The following RREB1 variants were observed in gnomAD, a reference collection of about 807,000 sequenced individuals.
The protein encoded by RREB1 is ras responsive element binding protein 1, also known as ras-responsive element-binding protein 1.
A neutral mutation model predicts 117.8 loss-of-function variants in RREB1; 27 were observed. That is an observed-to-expected ratio of 0.23 (90% CI 0.17 to 0.32). RREB1 has a LOEUF of 0.32. RREB1 is among the 10% of genes least tolerant of loss of function. RREB1 has a pLI of 1.00. For synonymous variants in RREB1, 1,298 were observed against 1,026.7 expected (o/e 1.26, Z -5.05); for missense variants, 2,577 against 2,378.2 (o/e 1.08, Z -1.74).
intron 8 of RREB1, among the ~76,000 whole-genome samples, chr6:7,219,690 C>G (rs1325605936): frequency 1.3e-5 from 2 of 152,152 alleles, no homozygotes; most frequent in Non-Finnish European, 2.9e-5. Context: ...TGTGACAGTG[C>G]CTGTGTAGTC....
intron 10 of RREB1, among the ~76,000 whole-genome samples, chr6:7,233,849 A>G (rs1215239945): frequency 6.6e-6 from 1 of 152,150 alleles, no homozygotes; most frequent in Non-Finnish European, 1.5e-5. Context: ...CCACCGCTGG[A>G]TACCTGAACA....
chr6:7,195,945 C>T (rs566767281), intron 6 of RREB1, among the ~76,000 whole-genome samples: 15 of 152,320 alleles, frequency 9.8e-5, no homozygotes, highest in African/African-American at 2.4e-4. Context: ...TTCTCTGTAG[C>T]GTGGATTTCT....
intron 1 of RREB1, among the ~76,000 whole-genome samples, chr6:7,167,286 T>C (rs1253606348): frequency 1.3e-5 from 2 of 152,112 alleles, no homozygotes; most frequent in African/African-American, 4.8e-5. Context: ...GGCCAGGGGA[T>C]TGCATTTGGG....
chr6:7,141,865 C>A (rs1285445597), intron 1 of RREB1, among the ~76,000 whole-genome samples: 1 of 152,230 alleles, frequency 6.6e-6, no homozygotes, highest in Non-Finnish European at 1.5e-5. Context: ...CTGGCCCTTT[C>A]CGCAGAGGGC....
At position 7,242,826 on chromosome 6, in the gene RREB1, A is replaced by G. The variant is rs1768798280; in HGVS notation, c.3973+2224A>G. 2.0e-5 allele frequency among the ~76,000 whole-genome samples: 3 copies of G among 152,030 alleles called. 1 individual carries two copies. In the South Asian group the frequency reaches 6.2e-4, roughly 32 times the overall value. Reference sequence around the variant, plus strand: ...TGTAGGTCTGACATTTTTCAGTCTCATAAAGTCCCCCAAAAGAATGCTAAA... The same window carrying G: ...TGTAGGTCTGACATTTTTCAGTCTCGTAAAGTCCCCCAAAAGAATGCTAAA... On this transcript the variant is annotated intron_variant, in intron 11 of 12. Coordinates refer to ENST00000379938, the MANE Select transcript of RREB1 (RefSeq NM_001003699.4).
chr6:7,241,182 T>C (rs1768684374), intron 11 of RREB1, among the ~76,000 whole-genome samples: 1 of 152,148 alleles, frequency 6.6e-6, no homozygotes, highest in Non-Finnish European at 1.5e-5. Flanking sequence ...CCGGGTATTA[T>C]TCTCCTGTGC....
intron 6 of RREB1, among the ~76,000 whole-genome samples, chr6:7,199,158 C>G (rs762295390): frequency 1.3e-5 from 2 of 152,212 alleles, no homozygotes; most frequent in African/African-American, 2.4e-5. Context: ...TCTGAGTCCT[C>G]TGATAGCTCC....
intron 12 of RREB1, 45 bp downstream of exon 12, chr6:7,247,266 G>C (rs918230443): frequency 6.4e-7 from 1 of 1,554,790 alleles, no homozygotes; most frequent in Non-Finnish European, 8.7e-7. Flanking sequence ...GAGGAGGCGA[G>C]CCGGGCACCT....
intron 10 of RREB1, among the ~76,000 whole-genome samples, chr6:7,236,782 A>T (rs1173004928): frequency 6.6e-6 from 1 of 151,312 alleles, no homozygotes; most frequent in Non-Finnish European, 1.5e-5. Context: ...CTCCTCATCA[A>T]ACTATTCTCA....
chr6:7,114,024 G>A (rs145573714), intron 1 of RREB1, among the ~76,000 whole-genome samples: 1 of 152,296 alleles, frequency 6.6e-6, no homozygotes, highest in African/African-American at 2.4e-5. Context: ...CATTACCTTA[G>A]TCAAATTTTG....
At chr6:7,136,756 TTA>T (rs1762364085) in intron 1 of RREB1, among the ~76,000 whole-genome samples, 1 of 152,230 alleles carries the variant, frequency 6.6e-6, no homozygotes, top group African/African-American at 2.4e-5. Context: ...ATAAATATCT[TTA>T]TTCAGGATGA....
chr6:7,128,975 A>C (rs998377582), intron 1 of RREB1, among the ~76,000 whole-genome samples: 2 of 152,236 alleles, frequency 1.3e-5, no homozygotes, highest in Non-Finnish European at 2.9e-5. Context: ...TCTCAAAAAA[A>C]AAGTTATGCT....
chr6:7,234,206 G>A (rs1002932199), intron 10 of RREB1, among the ~76,000 whole-genome samples: 106 of 152,188 alleles, frequency 7.0e-4, no homozygotes, highest in African/African-American at 2.3e-3. Flanking sequence ...TTCAAGAGAA[G>A]GTGCCCCTTA....
rs1016650277 is a variant in RREB1, at chr6:7,145,015, G to A, written c.-284-31640G>A. On this transcript the variant is annotated intron_variant, in intron 1 of 12. Transcript: ENST00000379938. ...GGGGAAAGTGTAATCTTTTGTGAGA[G>A]TCATGCTTTCTTCTTCGTCTCACCG... Among the ~76,000 whole-genome samples, 7 of 152,180 alleles carry A rather than the reference G, an allele frequency of 4.6e-5. No homozygotes were observed. In the East Asian group the frequency reaches 1.3e-3, roughly 29 times the overall value.
At chr6:7,142,866 TG>T (rs760503461) in intron 1 of RREB1, among the ~76,000 whole-genome samples, 12 of 152,200 alleles carry the variant, frequency 7.9e-5, no homozygotes, top group Non-Finnish European at 1.5e-4. Context: ...TCATTCTTCA[TG>T]GGGGGATAAC....
At chr6:7,162,652 C>A (rs1215925338) in intron 1 of RREB1, among the ~76,000 whole-genome samples, 1 of 151,998 alleles carries the variant, frequency 6.6e-6, no homozygotes, top group African/African-American at 2.4e-5. Context: ...GATCCCAAAC[C>A]TTACCCTATG....
chr6:7,248,837 G>C lies in RREB1; in HGVS notation c.5098G>C (p.Gly1700Arg). 1 of 1,611,790 alleles carries C rather than the reference G, an allele frequency of 6.2e-7. No individual in the cohort carries two copies. The highest frequency in any genetic ancestry group is 2.2e-5 in the East Asian group (1 of 44,826). Residue 1700 changes from glycine (G) to arginine (R), a missense_variant, in exon 13 of 13, where the codon GGC becomes CGC. Transcript: ENST00000379938. Reference protein sequence around the residue: ...KVTAGWPSEPGQGDLNPESPA... With the variant: ...KVTAGWPSEPRQGDLNPESPA... ...CACGGCAGGGTGGCCGTCTGAGCCT[G>C]GCCAGGGTGACCTTAACCCAGAGAG...
At chr6:7,130,893 G>C (rs1209738183) in intron 1 of RREB1, among the ~76,000 whole-genome samples, 1 of 149,434 alleles carries the variant, frequency 6.7e-6, no homozygotes, top group Non-Finnish European at 1.5e-5. Context: ...GGGATTACAG[G>C]CGTGAGCCAC....
At chr6:7,247,271 G>C (rs780553308) in intron 12 of RREB1, 50 bp downstream of exon 12, 1 of 1,539,546 alleles carries the variant, frequency 6.5e-7, no homozygotes, top group South Asian at 1.2e-5. Context: ...GGCGAGCCGG[G>C]CACCTCTCCT....
Sources: gnomAD v4.1 joint callset for allele counts (sites outside exome capture counted in the v4.1 genomes callset) on GRCh38, gnomAD v4.1.1 for gene constraint, MANE v1.5 for transcripts, NCBI Gene and HGNC (gene_info 2026-07-23, HGNC 2026-07-21) for gene names.